The following PHYHD1 variants were observed in gnomAD, a reference collection of about 807,000 sequenced individuals.
The protein encoded by PHYHD1 is phytanoyl-CoA dioxygenase domain containing 1.
Under a neutral mutation model 43.6 loss-of-function variants are expected in PHYHD1, and 42 were observed. The ratio of observed to expected loss-of-function variants is 0.96; its 90% CI spans 0.75 to 1.25. The LOEUF (loss-of-function observed/expected upper bound fraction) is 1.25. PHYHD1 is among the 50% of genes most tolerant of loss of function. The pLI, the probability that PHYHD1 is intolerant of heterozygous loss-of-function variation, is 0.00. For synonymous variants in PHYHD1, 139 were observed against 143.6 expected (o/e 0.97, Z 0.23); for missense variants, 342 against 370.8 (o/e 0.92, Z 0.64).
intron 4 of PHYHD1, among the ~76,000 whole-genome samples, chr9:128,930,233 T>C (rs113791496): frequency 1.3e-5 from 2 of 150,496 alleles, no homozygotes; most frequent in African/African-American, 4.9e-5. Flanking sequence ...TGAGCCAAGA[T>C]TGCGCCACTG....
chr9:128,932,185 T>TTATTA (rs1222585726), intron 4 of PHYHD1, among the ~76,000 whole-genome samples: 8 of 126,738 alleles, frequency 6.3e-5, no homozygotes, highest in African/African-American at 2.7e-4. Flanking sequence ...ATTATTATTA[T>TTATTA]TTTTTTTTTT....
intron 3 of PHYHD1, among the ~76,000 whole-genome samples, chr9:128,925,485 C>A (rs1052445724): frequency 6.6e-6 from 1 of 152,082 alleles, no homozygotes; most frequent in Non-Finnish European, 1.5e-5. Context: ...CTTGACTTCC[C>A]AAACTGTTGG....
intron 4 of PHYHD1, among the ~76,000 whole-genome samples, chr9:128,933,278 C>T (rs1030786586): frequency 8.6e-5 from 13 of 150,570 alleles, no homozygotes; most frequent in East Asian, 2.0e-4. Flanking sequence ...CTCAGCCTCC[C>T]GGGTACCTGG....
intron 4 of PHYHD1, among the ~76,000 whole-genome samples, chr9:128,931,061 T>G (rs561896759): frequency 6.6e-6 from 1 of 152,142 alleles, no homozygotes; most frequent in South Asian, 2.1e-4. Flanking sequence ...TGTACAGGCA[T>G]GTCTCAGAGA....
chr9:128,925,694 A>G (rs1266859678), intron 3 of PHYHD1, among the ~76,000 whole-genome samples: 1 of 152,078 alleles, frequency 6.6e-6, no homozygotes, highest in Non-Finnish European at 1.5e-5. Flanking sequence ...CACTGCGCTC[A>G]GGATAGAATA....
intron 4 of PHYHD1, 72 bp downstream of exon 4, chr9:128,927,268 T>A: frequency 6.3e-7 from 1 of 1,582,206 alleles, no homozygotes; most frequent in Non-Finnish European, 8.6e-7. Context: ...CAGAGCAGCA[T>A]CGTGGAAGGG....
intron 3 of PHYHD1, among the ~76,000 whole-genome samples, chr9:128,924,316 G>T (rs1421292307): frequency 2.0e-5 from 3 of 152,106 alleles, no homozygotes; most frequent in Non-Finnish European, 1.5e-5. Context: ...TACTCGGGAG[G>T]CTGAGGCAGG....
At chr9:128,924,291 G>A (rs1390085669) in intron 3 of PHYHD1, among the ~76,000 whole-genome samples, 11 of 151,746 alleles carry the variant, frequency 7.2e-5, no homozygotes, top group African/African-American at 2.7e-4. Flanking sequence ...GGTGGCGGGC[G>A]CCTGTAGTCC....
intron 7 of PHYHD1, 38 bp downstream of exon 7, chr9:128,936,541 C>A: frequency 6.2e-7 from 1 of 1,611,092 alleles, no homozygotes; most frequent in Non-Finnish European, 8.5e-7. Flanking sequence ...GAGGGTGGGC[C>A]ATGTGTGGCA....
intron 3 of PHYHD1, 37 bp downstream of exon 3, chr9:128,922,393 CGGG>C: frequency 6.5e-7 from 1 of 1,544,452 alleles, no homozygotes; most frequent in Middle Eastern, 2.3e-4. Context: ...AGGGTCATGG[CGGG>C]GGGGTCCCTG....
At position 128,922,364 on chromosome 9, in the gene PHYHD1, C is replaced by T. The variant is rs765891106; in HGVS notation, c.33+8C>T. 1.9e-6 allele frequency: 3 copies of T among 1,548,738 alleles called. No individual in the cohort carries two copies. Among genetic ancestry groups the T allele is most frequent in the African/African-American group, 1.4e-5 (1 of 72,990 alleles). Reference sequence around the variant, plus strand: ...CCCTCGCAGCTCCAGAAGGTAGGAGCCTGCAAGTCGGGGCCGGGAGGGTCA... The same window carrying T: ...CCCTCGCAGCTCCAGAAGGTAGGAGTCTGCAAGTCGGGGCCGGGAGGGTCA... On this transcript the variant is annotated splice_region_variant and intron_variant, in intron 3 of 12. Transcript: ENST00000372592.
Position 128,921,421 on chromosome 9 carries a change from C to A in PHYHD1, c.-407C>A, listed in dbSNP as rs71499428. On this transcript the variant is annotated 5_prime_UTR_variant, in exon 1 of 13. Transcript: ENST00000372592. Reference sequence around the variant, plus strand: ...TCACGCCATTCTCCTGCCTCAGCCTCGCGAGCAGCTGGGACTACAGGTGCC... The same window carrying A: ...TCACGCCATTCTCCTGCCTCAGCCTAGCGAGCAGCTGGGACTACAGGTGCC... 7,887 of 152,456 alleles carry A rather than the reference C, an allele frequency of 0.052. 296 individuals are homozygous for A. The highest frequency in any genetic ancestry group is 0.15 in the South Asian group (730 of 4,830). 9.4% of individuals were successfully genotyped at this position (152,456 alleles called of 1,614,324 possible).
intron 11 of PHYHD1, 68 bp downstream of exon 11, chr9:128,940,783 A>G: frequency 6.6e-7 from 1 of 1,515,322 alleles, no homozygotes; most frequent in Non-Finnish European, 9.0e-7. Context: ...TCGACTACCC[A>G]GCGTCCAAGA....
At chr9:128,927,225 A>T in intron 4 of PHYHD1, 29 bp downstream of exon 4, 7 of 1,612,120 alleles carry the variant, frequency 4.3e-6, no homozygotes, top group Non-Finnish European at 5.9e-6. Context: ...TGAGGATGGG[A>T]TGTGGCTTTT....
At chr9:128,938,003 G>A (rs1220429511) in intron 9 of PHYHD1, 38 of 1,402,270 alleles carry the variant, frequency 2.7e-5, no homozygotes, top group Non-Finnish European at 3.5e-5. Flanking sequence ...AACCCCAGCT[G>A]GTTAAAAATA....
At chr9:128,926,167 T>C (rs536519116) in intron 3 of PHYHD1, among the ~76,000 whole-genome samples, 13 of 152,270 alleles carry the variant, frequency 8.5e-5, no homozygotes, top group Middle Eastern at 6.8e-3. Context: ...ATGAATAAGG[T>C]TGTGTTTCCA....
chr9:128,928,943 A>T (rs530623208), intron 4 of PHYHD1, among the ~76,000 whole-genome samples: 1 of 152,324 alleles, frequency 6.6e-6, no homozygotes, highest in East Asian at 1.9e-4. Context: ...AATGCACATG[A>T]TACTTGTCCA....
intron 3 of PHYHD1, 48 bp downstream of exon 3, chr9:128,922,404 C>T: frequency 6.5e-7 from 1 of 1,540,626 alleles, no homozygotes; most frequent in Non-Finnish European, 8.8e-7. Flanking sequence ...GGGGGGGTCC[C>T]TGCCGGACCT....
At position 128,922,374 on chromosome 9, in the gene PHYHD1, G is replaced by A. The variant is rs1206400558; in HGVS notation, c.33+18G>A. ...TCCAGAAGGTAGGAGCCTGCAAGTC[G>A]GGGCCGGGAGGGTCATGGCGGGGGG... On this transcript the variant is annotated intron_variant, in intron 3 of 12. Transcript: ENST00000372592. 1 of 1,547,890 alleles carries A rather than the reference G, an allele frequency of 6.5e-7. No homozygotes were observed. Among genetic ancestry groups the A allele is most frequent in the Admixed American group, 2.0e-5 (1 of 50,868 alleles).
Sources: gnomAD v4.1 joint callset for allele counts (sites outside exome capture counted in the v4.1 genomes callset) on GRCh38, gnomAD v4.1.1 for gene constraint, MANE v1.5 for transcripts, NCBI Gene and HGNC (gene_info 2026-07-23, HGNC 2026-07-21) for gene names.